CFAP54: variants seen among roughly 807,000 people sequenced by gnomAD.
CFAP54 encodes cilia and flagella associated protein 54, also known as cilia- and flagella-associated protein 54.
In CFAP54, 290 loss-of-function variants were observed where a neutral mutation model predicts 370.4. The observed-to-expected ratio is 0.78, with a 90% CI of 0.71 to 0.86. The LOEUF (loss-of-function observed/expected upper bound fraction) is 0.86, where lower values mean the gene tolerates loss of function less well. Ranked by LOEUF, CFAP54 falls within the 40% of genes least tolerant of loss-of-function variation. The pLI, the probability that CFAP54 is intolerant of heterozygous loss-of-function variation, is 0.00. For missense variants in CFAP54, 3,399 were observed against 3,528.7 expected, an observed-to-expected ratio of 0.96 and a Z score of 0.93; for synonymous variants, 1,206 against 1,236.5, an observed-to-expected ratio of 0.98 and a Z score of 0.52.
chr12:96,577,173 A>G (rs558240347), intron 20 of CFAP54, among the ~76,000 whole-genome samples: 14 of 152,298 alleles, frequency 9.2e-5, no homozygotes, highest in African/African-American at 3.4e-4. Flanking sequence ...AGTGTGTAAA[A>G]TTTAGGGGTG....
chr12:96,662,859 A>T (rs549888880), intron 38 of CFAP54, among the ~76,000 whole-genome samples: 244 of 152,206 alleles, frequency 1.6e-3, no homozygotes, highest in African/African-American at 5.6e-3. Flanking sequence ...CTGTGAGGCT[A>T]TTCCACACTA....
intron 26 of CFAP54, among the ~76,000 whole-genome samples, chr12:96,607,181 T>A (rs996342995): frequency 2.0e-5 from 3 of 152,152 alleles, no homozygotes; most frequent in Admixed American, 6.5e-5. Flanking sequence ...CTGGTCTGTG[T>A]AGATGCTGAG....
intron 19 of CFAP54, among the ~76,000 whole-genome samples, chr12:96,571,237 G>C (rs778052743): frequency 2.9e-4 from 44 of 152,292 alleles, no homozygotes; most frequent in Admixed American, 4.6e-4. Flanking sequence ...CTTCTGAAGA[G>C]AGGCAGGTTT....
intron 45 of CFAP54, among the ~76,000 whole-genome samples, chr12:96,698,634 A>T (rs1353526606): frequency 6.6e-6 from 1 of 152,202 alleles, no homozygotes; most frequent in African/African-American, 2.4e-5. Context: ...TATTAAGGAC[A>T]CATGGACACA....
intron 66 of CFAP54, among the ~76,000 whole-genome samples, chr12:96,853,355 A>G (rs993443490): frequency 6.6e-6 from 1 of 152,142 alleles, no homozygotes; most frequent in African/African-American, 2.4e-5. Context: ...AAACAAATAC[A>G]TATATATACA....
intron 50 of CFAP54, among the ~76,000 whole-genome samples, chr12:96,729,430 C>G (rs970702206): frequency 6.6e-5 from 10 of 152,332 alleles, no homozygotes; most frequent in Non-Finnish European, 1.3e-4. Context: ...AGTTTGATCT[C>G]AGACTGCTGT....
intron 32 of CFAP54, among the ~76,000 whole-genome samples, chr12:96,634,450 T>C (rs1484797984): frequency 6.6e-6 from 1 of 152,178 alleles, no homozygotes; most frequent in Non-Finnish European, 1.5e-5. Flanking sequence ...ATTGTTTTTA[T>C]TTTTCTGTTG....
At chr12:96,609,213 T>G (rs1321236329) in intron 26 of CFAP54, among the ~76,000 whole-genome samples, 1 of 152,226 alleles carries the variant, frequency 6.6e-6, no homozygotes, top group Non-Finnish European at 1.5e-5. Context: ...CAGATCACCC[T>G]TCTCTGCTCC....
chr12:96,512,299 TTTTATATATATATA>T (rs1341129947), intron 4 of CFAP54, among the ~76,000 whole-genome samples: 39 of 119,574 alleles, frequency 3.3e-4, no homozygotes, highest in African/African-American at 1.1e-3. Flanking sequence ...TGGGAACCAA[TTTTATATATATATA>T]TATATATATA....
chr12:96,734,283 A>G (rs1021048416), intron 50 of CFAP54, among the ~76,000 whole-genome samples: 2 of 152,188 alleles, frequency 1.3e-5, no homozygotes, highest in African/African-American at 2.4e-5. Context: ...ATTAATAATG[A>G]TAATAGCTAG....
chr12:96,783,509 C>T (rs186010590), intron 60 of CFAP54, among the ~76,000 whole-genome samples: 60 of 152,302 alleles, frequency 3.9e-4, no homozygotes, highest in Non-Finnish European at 6.9e-4. Flanking sequence ...TGGTATCATA[C>T]TCTATATCAC....
chr12:96,848,015 C>T (rs996778679), intron 66 of CFAP54, among the ~76,000 whole-genome samples: 4 of 152,192 alleles, frequency 2.6e-5, no homozygotes, highest in Non-Finnish European at 2.9e-5. Flanking sequence ...TCTCCTACAT[C>T]TTCTAATTTC....
In CFAP54 at chr12:96,755,666, C is replaced by CTTTTTTTTTTT. The variant is rs71758359; in HGVS notation, c.7841-783_7841-773dup. On this transcript the variant is annotated intron_variant, in intron 56 of 67. Transcript: ENST00000524981. Reference sequence around the variant, plus strand: ...ATATCACATTTTCTTTTCTTTTTTCCTTTTTTTTTTTTTTTTTTTGAGACT... The same window carrying CTTTTTTTTTTT: ...ATATCACATTTTCTTTTCTTTTTTCCTTTTTTTTTTTTTTTTTTTTTTTTTTTTTTGAGACT... Among the ~76,000 whole-genome samples, 36 of 88,002 alleles carry CTTTTTTTTTTT rather than the reference C, an allele frequency of 4.1e-4. No individual in the cohort carries two copies. In the East Asian group the frequency reaches 4.1e-3, roughly 10 times the overall value. 57.7% of individuals were successfully genotyped at this position (88,002 alleles called of 152,430 possible).
chr12:96,753,730 G>A lies in CFAP54; in HGVS notation c.7685-13G>A, dbSNP rs760679215. 6.8e-6 allele frequency: 11 copies of A among 1,610,252 alleles called. No homozygotes were observed. The highest frequency in any genetic ancestry group is 9.3e-6 in the Non-Finnish European group (11 of 1,177,710). On this transcript the variant is annotated splice_polypyrimidine_tract_variant and intron_variant, in intron 55 of 67. Transcript: ENST00000524981. ...TTTTTTTGTTCTTCCCCACCGAACTGTTTTTCTTTTAGGACATACAGTGGC... is the reference window on the plus strand; with the variant it reads ...TTTTTTTGTTCTTCCCCACCGAACTATTTTTCTTTTAGGACATACAGTGGC...
intron 17 of CFAP54, among the ~76,000 whole-genome samples, chr12:96,556,000 A>T (rs550488904): frequency 6.6e-6 from 1 of 152,100 alleles, no homozygotes; most frequent in South Asian, 2.1e-4. Context: ...ATAAGTCAAG[A>T]TTTATTTCAA....
intron 32 of CFAP54, among the ~76,000 whole-genome samples, chr12:96,641,241 A>G (rs1432093458): frequency 6.6e-6 from 1 of 152,200 alleles, no homozygotes; most frequent in Non-Finnish European, 1.5e-5. Flanking sequence ...GAAAAAAACA[A>G]ACAACACCAT....
intron 66 of CFAP54, among the ~76,000 whole-genome samples, chr12:96,834,091 G>C (rs535309107): frequency 6.6e-5 from 10 of 152,132 alleles, no homozygotes; most frequent in Non-Finnish European, 1.3e-4. Flanking sequence ...CTAGAATAGT[G>C]GGAGCAGACA....
intron 60 of CFAP54, among the ~76,000 whole-genome samples, chr12:96,771,746 T>C (rs1157530370): frequency 6.6e-6 from 1 of 152,072 alleles, no homozygotes; most frequent in Non-Finnish European, 1.5e-5. Flanking sequence ...TACATGGAAA[T>C]TGGCATTTTA....
chr12:96,540,463 G>A (rs1381141580), intron 13 of CFAP54, among the ~76,000 whole-genome samples: 1 of 152,146 alleles, frequency 6.6e-6, no homozygotes, highest in African/African-American at 2.4e-5. Context: ...CTCATAAGGA[G>A]GATGTTGATA....
Sources: gnomAD v4.1 joint callset for allele counts (sites outside exome capture counted in the v4.1 genomes callset) on GRCh38, gnomAD v4.1.1 for gene constraint, MANE v1.5 for transcripts, NCBI Gene and HGNC (gene_info 2026-07-23, HGNC 2026-07-21) for gene names.